Variants in OR51B5 observed in about 807,000 individuals in gnomAD.
The protein encoded by OR51B5 is olfactory receptor family 51 subfamily B member 5, also known as olfactory receptor 51B5.
For synonymous variants in OR51B5, 186 were observed against 144.8 expected (o/e 1.28, Z -2.04); for missense variants, 456 against 374.6 (o/e 1.22, Z -1.79).
At chr11:5,345,272 CAAGAGACAAGA>C (rs1387335472), upstream of OR51B5, among the ~76,000 whole-genome samples, 1 of 151,818 alleles carries the variant, frequency 6.6e-6, no homozygotes, top group Non-Finnish European at 1.5e-5. Context: ...GAAGACTAAG[CAAGAGACAAGA>C]AAAGAGATGA....
At position 5,500,544 on chromosome 11, in the gene OR51B5, A is replaced by G. The variant is rs1002562537; in HGVS notation, n.84+5025T>C. ...GAGGGTCCTCATGTATATTTGCCTG[A>G]TAACAAGAACTGTCATAAGAGACTC... On this transcript the variant is annotated intron_variant and non_coding_transcript_variant, in intron 1 of 4. Coordinates refer to the OR51B5 transcript ENST00000415970. 2.0e-5 allele frequency among the ~76,000 whole-genome samples: 3 copies of G among 148,034 alleles called. 1 individual carries two copies. The highest frequency in any genetic ancestry group is 1.4e-4 in the Admixed American group (2 of 14,282).
chr11:5,391,224 T>G (rs192030712), intron 1 of OR51B5: 4 of 152,310 alleles, frequency 2.6e-5, no homozygotes, highest in Non-Finnish European at 4.4e-5. Context: ...TCCCTACGAG[T>G]GACTAAATGC....
rs376392446 is a variant in OR51B5 at position 5,352,444 on chromosome 11, T to C, written n.85-5534A>G. ...ATTCTCTCTGCCTCACTCTAGAGCA[T>C]GACATTGTTTCACTGGTCTCTGAGG... On this transcript the variant is annotated intron_variant and non_coding_transcript_variant, in intron 1 of 4. Transcript: ENST00000415970. 28 of 1,569,952 alleles carry C rather than the reference T, an allele frequency of 1.8e-5. No homozygotes were observed. In the Middle Eastern group the frequency reaches 6.7e-4, roughly 38 times the overall value.
chr11:5,395,190 A>G (rs912445798), intron 1 of OR51B5, among the ~76,000 whole-genome samples: 2 of 152,146 alleles, frequency 1.3e-5, no homozygotes, highest in Non-Finnish European at 2.9e-5. Flanking sequence ...ATCTAGGGAG[A>G]TTCCTTTGAG....
At chr11:5,462,430 C>T (rs762135850) in intron 1 of OR51B5, among the ~76,000 whole-genome samples, 3 of 152,178 alleles carry the variant, frequency 2.0e-5, no homozygotes, top group Non-Finnish European at 4.4e-5. Flanking sequence ...GGATGGCTGA[C>T]CATCAGCCTC....
intron 1 of OR51B5, among the ~76,000 whole-genome samples, chr11:5,360,943 G>A (rs886613536): frequency 8.0e-5 from 12 of 149,354 alleles, no homozygotes; most frequent in African/African-American, 1.5e-4. Context: ...TGAACAATGA[G>A]AACACATGGA....
At position 5,440,800 on chromosome 11, in the gene OR51B5, C is replaced by T. The variant is rs757187039; in HGVS notation, n.84+64769G>A. On this transcript the variant is annotated intron_variant and non_coding_transcript_variant, in intron 1 of 4. Coordinates refer to the OR51B5 transcript ENST00000415970. ...ATGTGTGACATGCAGGTGTTGAGTGCCTTGAGCCGCTGTTCCTGGGATATG... is the reference window on the plus strand; with the variant it reads ...ATGTGTGACATGCAGGTGTTGAGTGTCTTGAGCCGCTGTTCCTGGGATATG... 2 of 1,613,708 alleles carry T rather than the reference C, an allele frequency of 1.2e-6. No homozygotes were observed. The highest frequency in any genetic ancestry group is 1.7e-5 in the Admixed American group (1 of 59,878).
At chr11:5,346,657 G>A (rs1280904384), upstream of OR51B5, among the ~76,000 whole-genome samples, 1 of 152,152 alleles carries the variant, frequency 6.6e-6, no homozygotes, top group Non-Finnish European at 1.5e-5. Flanking sequence ...GTAGCACTTG[G>A]AATTGCTTTT....
chr11:5,469,756 C>G (rs925072813), intron 1 of OR51B5, among the ~76,000 whole-genome samples: 5 of 152,116 alleles, frequency 3.3e-5, no homozygotes, highest in African/African-American at 9.7e-5. Flanking sequence ...ATGATTTCCC[C>G]TTTCTCTCTA....
chr11:5,432,262 A>T (rs76676236), intron 1 of OR51B5, among the ~76,000 whole-genome samples: 302 of 152,318 alleles, frequency 2.0e-3, no homozygotes, highest in Non-Finnish European at 3.3e-3. Flanking sequence ...TTGAGCAGGA[A>T]CATGCAATAT....
At chr11:5,414,781 C>T (rs1288081880) in intron 1 of OR51B5, among the ~76,000 whole-genome samples, 4 of 152,150 alleles carry the variant, frequency 2.6e-5, no homozygotes, top group Admixed American at 6.5e-5. Context: ...AAACCAAGTC[C>T]TTAGTGACCT....
intron 1 of OR51B5, among the ~76,000 whole-genome samples, chr11:5,500,231 C>T (rs1851698302): frequency 6.6e-6 from 1 of 152,186 alleles, no homozygotes; most frequent in Admixed American, 6.5e-5. Context: ...CAACTGAAAG[C>T]TACTTGAAAC....
At chr11:5,373,564 C>T (rs1014494581) in intron 1 of OR51B5, among the ~76,000 whole-genome samples, 3 of 152,108 alleles carry the variant, frequency 2.0e-5, no homozygotes, top group Admixed American at 2.0e-4. Flanking sequence ...TCATGGAGTT[C>T]CCTTTCCTGG....
chr11:5,453,808 T>A (rs1422160099), intron 1 of OR51B5: 1 of 1,614,200 alleles, frequency 6.2e-7, no homozygotes, highest in Non-Finnish European at 8.5e-7. Context: ...ATTCACTTCT[T>A]CTCCATGATG....
At chr11:5,404,014 T>A (rs1299021018) in intron 1 of OR51B5, among the ~76,000 whole-genome samples, 1 of 151,950 alleles carries the variant, frequency 6.6e-6, no homozygotes, top group Non-Finnish European at 1.5e-5. Flanking sequence ...CAGGCTATGA[T>A]GTGGCATTCA....
At chr11:5,483,483 T>C (rs1851455713) in intron 1 of OR51B5, among the ~76,000 whole-genome samples, 1 of 134,546 alleles carries the variant, frequency 7.4e-6, no homozygotes, top group African/African-American at 2.9e-5. Flanking sequence ...AACGTGCACA[T>C]GTACCCTAAA....
At chr11:5,374,484 A>C (rs750271776) in intron 1 of OR51B5, among the ~76,000 whole-genome samples, 7 of 152,230 alleles carry the variant, frequency 4.6e-5, no homozygotes, top group Non-Finnish European at 8.8e-5. Flanking sequence ...TGGATGGAGA[A>C]TGACTTTGAC....
intron 1 of OR51B5, among the ~76,000 whole-genome samples, chr11:5,447,894 C>T (rs1378223741): frequency 1.3e-5 from 2 of 152,140 alleles, no homozygotes; most frequent in African/African-American, 2.4e-5. Context: ...ATAAGTCTCC[C>T]CTCAACCCCC....
At chr11:5,343,530 G>T, upstream of OR51B5, 1 of 818,204 alleles carries the variant, frequency 1.2e-6, no homozygotes, top group Non-Finnish European at 2.0e-6. Context: ...GACATCCTGG[G>T]TTTATATAGA....
Sources: gnomAD v4.1 joint callset for allele counts (sites outside exome capture counted in the v4.1 genomes callset) on GRCh38, gnomAD v4.1.1 for gene constraint, MANE v1.5 for transcripts, NCBI Gene and HGNC (gene_info 2026-07-23, HGNC 2026-07-21) for gene names.